Variants in TDRD7 observed in about 807,000 individuals in gnomAD.
The protein encoded by TDRD7 is tudor domain containing 7.
In TDRD7, 47 loss-of-function variants were observed where a neutral mutation model predicts 109.8. The observed-to-expected ratio is 0.43, with a 90% CI of 0.34 to 0.55. The LOEUF is 0.55. Among genes scored for constraint, TDRD7 ranks in the 20% least tolerant of loss-of-function variants. The probability of loss-of-function intolerance (pLI) is 0.03; values close to 1 mark genes in which losing one functional copy is unlikely to be tolerated. For synonymous variants in TDRD7, 424 were observed against 457.3 expected, an observed-to-expected ratio of 0.93 and a Z score of 0.93; for missense variants, 1,164 against 1,319.2, an observed-to-expected ratio of 0.88 and a Z score of 1.82.
In TDRD7 at chr9:97,483,286, C is replaced by T. The variant is rs773537488; in HGVS notation, c.2850C>T (p.Ser950=). The stretch of plus-strand genomic sequence containing the variant: ...TGGAAGAGATGATTCTATATTACAG[C>T]GTGTCTGAAGAGCGCCACATAGCAG... The part of the protein sequence containing the change: ...VLMEEMILYY[S]VSEERHIAVE... The change falls in exon 15 of 17, where the codon AGC becomes AGT. Residue 950 remains serine (S), a synonymous_variant. Transcript: ENST00000355295. 20 of 1,613,892 alleles carry T rather than the reference C, an allele frequency of 1.2e-5. No individual in the cohort carries two copies. The highest frequency in any genetic ancestry group is 6.7e-5 in the African/African-American group (5 of 74,916).
At chr9:97,494,544 G>C (rs145405638) in intron 16 of TDRD7, among the ~76,000 whole-genome samples, 105 of 152,062 alleles carry the variant, frequency 6.9e-4, no homozygotes, top group African/African-American at 2.4e-3. Flanking sequence ...AATAATCAAA[G>C]AATTTAGCCC....
chr9:97,451,841 C>G (rs1587873642), intron 6 of TDRD7, among the ~76,000 whole-genome samples: 1 of 152,108 alleles, frequency 6.6e-6, no homozygotes, highest in East Asian at 1.9e-4. Flanking sequence ...CAGCTGATAT[C>G]CAATGCAGAA....
At chr9:97,457,648 G>T (rs957008552) in intron 6 of TDRD7, among the ~76,000 whole-genome samples, 35 of 152,224 alleles carry the variant, frequency 2.3e-4, no homozygotes, top group African/African-American at 8.0e-4. Context: ...AAAGTGCTGG[G>T]ATTACAGGTG....
intron 13 of TDRD7, 104 bp from the exon 14 acceptor site, chr9:97,480,724 T>C (rs1355270231): frequency 4.3e-6 from 4 of 940,790 alleles, no homozygotes; most frequent in Non-Finnish European, 5.2e-6. Flanking sequence ...TTGCTTGCTG[T>C]CTATCTTGGT....
Position 97,432,252 on chromosome 9 carries a change from G to A in TDRD7, c.563+14G>A, listed in dbSNP as rs13290426. The A allele has an allele frequency of 0.03, 47,774 of 1,611,754 alleles. 838 individuals carry two copies. Among genetic ancestry groups the A allele is most frequent in the Non-Finnish European group, 0.035 (41,689 of 1,178,058 alleles). On this transcript the variant is annotated intron_variant, in intron 4 of 16. Coordinates refer to ENST00000355295, the MANE Select transcript of TDRD7 (RefSeq NM_014290.3). ...CACCAACAACAGGTATTTGGCCTCT[G>A]ACTCACAGAAGTTTGGTGAATCTAG...
At chr9:97,471,100 G>A (rs190693081) in intron 9 of TDRD7, among the ~76,000 whole-genome samples, 23 of 152,234 alleles carry the variant, frequency 1.5e-4, no homozygotes, top group African/African-American at 5.5e-4. Context: ...GCATGGGTTT[G>A]ATCACAGGTC....
At chr9:97,445,593 G>GA (rs1828386689) in intron 6 of TDRD7, among the ~76,000 whole-genome samples, 1 of 152,134 alleles carries the variant, frequency 6.6e-6, no homozygotes, top group Non-Finnish European at 1.5e-5. Context: ...AGAGGGAGGA[G>GA]AAAAGCACCT....
rs758749132 is a variant in TDRD7, at chr9:97,480,899, A to C, written c.2373A>C (p.Leu791Phe). The change falls in exon 14 of 17, where the codon TTA (leucine) becomes TTC (phenylalanine). Residue 791 changes from leucine to phenylalanine, a missense_variant. Coordinates refer to ENST00000355295, the MANE Select transcript of TDRD7 (RefSeq NM_014290.3). ...GMWTPDAVLW[L>F]RDSVLNCSDC... ...GGACACCAGATGCAGTGCTGTGGTT[A>C]AGAGATTCTGTTTTGAATTGCTCGG... 3.1e-6 allele frequency: 5 copies of C among 1,614,104 alleles called. No individual in the cohort carries two copies. In the South Asian group the frequency reaches 5.5e-5, roughly 18 times the overall value.
chr9:97,464,722 G>A (rs1286579323), intron 7 of TDRD7, 120 bp from the exon 8 acceptor site: 1 of 990,818 alleles, frequency 1.0e-6, no homozygotes, highest in Non-Finnish European at 1.6e-6. Flanking sequence ...GTTGATATAA[G>A]CAAGTCTGAG....
Position 97,460,555 on chromosome 9 carries a change from C to A in TDRD7, c.1233C>A (p.Asp411Glu). Residue 411 changes from aspartate (D) to glutamate (E), a missense_variant, in exon 7 of 17, where the codon GAC (aspartate) becomes GAA (glutamate). Coordinates refer to ENST00000355295, the MANE Select transcript of TDRD7 (RefSeq NM_014290.3). ...ILYAKLPLPT[D>E]KIQKDAGQAH... ...ATGCTAAACTTCCATTGCCCACTGA[C>A]AAAATCCAAAAGGATGCAGGGCAAG... 2 of 1,614,168 alleles carry A rather than the reference C, an allele frequency of 1.2e-6. No homozygotes were observed. Among genetic ancestry groups the A allele is most frequent in the Non-Finnish European group, 1.7e-6 (2 of 1,180,024 alleles).
intron 12 of TDRD7, among the ~76,000 whole-genome samples, chr9:97,476,292 T>C (rs919368058): frequency 1.3e-5 from 2 of 152,234 alleles, no homozygotes; most frequent in African/African-American, 4.8e-5. Context: ...CTTCTATTTC[T>C]AGTCACTAAC....
In TDRD7 at chr9:97,475,459, T is replaced by A; in HGVS notation, c.2156T>A (p.Leu719Ter). ...CTCTTCCATTGCAAAGGAAAATGGT[T>A]ACGAGTAGAGGTAAAAATCAGTCAC... ...ICLFHCKGKW[L>*]RVEITNVHSS... The change falls in exon 12 of 17, where the codon TTA becomes TAA. Residue 719 changes from leucine (L) to a stop codon, truncating the protein, a stop_gained. Coordinates refer to ENST00000355295, the MANE Select transcript of TDRD7 (RefSeq NM_014290.3). LOFTEE classifies it high-confidence loss of function. 3.1e-6 allele frequency: 5 copies of A among 1,611,970 alleles called. No homozygotes were observed. The highest frequency in any genetic ancestry group is 4.2e-6 in the Non-Finnish European group (5 of 1,178,268).
At chr9:97,466,061 T>G (rs1356135439) in intron 8 of TDRD7, among the ~76,000 whole-genome samples, 2 of 152,234 alleles carry the variant, frequency 1.3e-5, no homozygotes, top group African/African-American at 4.8e-5. Context: ...ATGTTTCTAT[T>G]TCTGCAGCCT....
At chr9:97,413,713 C>A (rs1277618601) in intron 1 of TDRD7, among the ~76,000 whole-genome samples, 1 of 152,246 alleles carries the variant, frequency 6.6e-6, no homozygotes, top group Non-Finnish European at 1.5e-5. Context: ...CTCACATCTC[C>A]TGTGCCCCAA....
intron 6 of TDRD7, among the ~76,000 whole-genome samples, chr9:97,444,126 TAA>T (rs1828358467): frequency 6.6e-6 from 1 of 152,220 alleles, no homozygotes; most frequent in Non-Finnish European, 1.5e-5. Context: ...CCTCTGGTGC[TAA>T]AACAACTGAC....
chr9:97,494,013 C>T (rs952327520), intron 16 of TDRD7, among the ~76,000 whole-genome samples: 5 of 151,846 alleles, frequency 3.3e-5, no homozygotes, highest in African/African-American at 1.2e-4. Flanking sequence ...GCAATCATCA[C>T]AGGGTCCCTG....
intron 6 of TDRD7, among the ~76,000 whole-genome samples, chr9:97,458,239 A>G (rs148944401): frequency 2.1e-3 from 318 of 152,270 alleles, no homozygotes; most frequent in Non-Finnish European, 2.9e-3. Context: ...ATGTATTCCC[A>G]TCGTTAAGTG....
At chr9:97,478,640 G>A in intron 13 of TDRD7, 67 bp downstream of exon 13, 2 of 1,603,052 alleles carry the variant, frequency 1.2e-6, no homozygotes, top group South Asian at 1.1e-5. Context: ...CTTATTGTAA[G>A]ATGCCTTCTC....
chr9:97,453,463 C>A (rs1213628537), intron 6 of TDRD7, among the ~76,000 whole-genome samples: 3 of 152,106 alleles, frequency 2.0e-5, no homozygotes, highest in South Asian at 2.1e-4. Flanking sequence ...CCTTCATTGG[C>A]AACCCAGGGT....
Sources: gnomAD v4.1 joint callset for allele counts (sites outside exome capture counted in the v4.1 genomes callset) on GRCh38, gnomAD v4.1.1 for gene constraint, MANE v1.5 for transcripts, NCBI Gene and HGNC (gene_info 2026-07-23, HGNC 2026-07-21) for gene names.